Variants in ILRUN observed in about 807,000 individuals in gnomAD.
The protein encoded by ILRUN is protein ILRUN.
A neutral mutation model predicts 33.8 loss-of-function variants in ILRUN; 3 were observed. The observed-to-expected ratio is 0.09, with a 90% CI of 0.04 to 0.23. The LOEUF (loss-of-function observed/expected upper bound fraction) is 0.23. ILRUN is among the 10% of genes least tolerant of loss of function. The probability of loss-of-function intolerance (pLI) is 1.00; values close to 1 mark genes in which losing one functional copy is unlikely to be tolerated. For synonymous variants in ILRUN, 124 were observed against 138.9 expected (o/e 0.89, Z 0.75); for missense variants, 210 against 375.1 (o/e 0.56, Z 3.64).
chr6:34,683,419 C>CATATTATATATACGT lies in ILRUN; in HGVS notation c.158+13026_158+13027insACGTATATATAATAT, dbSNP rs1562032769. On this transcript the variant is annotated intron_variant, in intron 1 of 4. Transcript: ENST00000374023. ...ATGCACATATATACATATATATATACATATATATACATATATATATACATA... is the reference window on the plus strand; with the variant it reads ...ATGCACATATATACATATATATATACATATTATATATACGTATATATATACATATATATATACATA... 8.1e-4 allele frequency among the ~76,000 whole-genome samples: 64 copies of CATATTATATATACGT among 78,572 alleles called. 2 individuals carry two copies. The highest frequency in any genetic ancestry group is 4.3e-3 in the African/African-American group (59 of 13,710). The allele number at this position is 78,572 out of a possible 152,430, so 51.5% of individuals were successfully genotyped here.
intron 3 of ILRUN, among the ~76,000 whole-genome samples, chr6:34,618,108 G>A (rs370708373): frequency 3.3e-5 from 5 of 152,062 alleles, no homozygotes; most frequent in African/African-American, 1.2e-4. Context: ...CCAAATCCAG[G>A]AAATCAGTGC....
At chr6:34,653,154 AAAAG>A (rs35300607) in intron 2 of ILRUN, among the ~76,000 whole-genome samples, 12 of 144,390 alleles carry the variant, frequency 8.3e-5, no homozygotes, top group Admixed American at 2.8e-4. Context: ...AAAAAAAAGA[AAAAG>A]AAAGAAAGAA....
At chr6:34,695,050 CAAAAAA>C (rs60744554) in intron 1 of ILRUN, among the ~76,000 whole-genome samples, 30 of 110,822 alleles carry the variant, frequency 2.7e-4, no homozygotes, top group African/African-American at 1.0e-3. Context: ...GACTCCGTCT[CAAAAAA>C]AAAAAAAAAA....
rs1761233949 is a variant in ILRUN, at chr6:34,588,332, G to A, written c.*2233C>T. 2.5e-6 allele frequency: 1 copy of A among 397,848 alleles called. No homozygotes were observed. Among genetic ancestry groups the A allele is most frequent in the Non-Finnish European group, 4.4e-6 (1 of 226,026 alleles). The allele number at this position is 397,848 out of a possible 1,614,324, so 24.6% of individuals were successfully genotyped here. On this transcript the variant is annotated 3_prime_UTR_variant, in exon 5 of 5. Coordinates refer to ENST00000374023, the MANE Select transcript of ILRUN (RefSeq NM_024294.4). ...TGGCAGGCCCAGACCCACTGACGGT[G>A]GCCCATGAAGCCCCTGCTGGGAAAC...
chr6:34,597,113 A>AT (rs1419687867), intron 4 of ILRUN, among the ~76,000 whole-genome samples: 2 of 152,074 alleles, frequency 1.3e-5, no homozygotes, highest in Admixed American at 1.3e-4. Context: ...CCCCTTACAT[A>AT]TTTTTTAAAA....
Position 34,641,871 on chromosome 6 carries a change from G to GA in ILRUN, c.511+4729dup, listed in dbSNP as rs1246361720. On this transcript the variant is annotated intron_variant, in intron 3 of 4. Coordinates refer to ENST00000374023, the MANE Select transcript of ILRUN (RefSeq NM_024294.4). Reference sequence around the variant, plus strand: ...AGCACAAAATTAAATCTAAAAAAAAGAAAAAAAATCATGGAAATTGAGTAT... The same window carrying GA: ...AGCACAAAATTAAATCTAAAAAAAAGAAAAAAAAATCATGGAAATTGAGTAT... Among the ~76,000 whole-genome samples the GA allele has an allele frequency of 5.9e-5, 9 of 151,708 alleles. No individual in the cohort carries two copies. The South Asian group carries it at 8.3e-4, about 14-fold the overall frequency.
chr6:34,609,613 T>C (rs952945881), intron 3 of ILRUN, among the ~76,000 whole-genome samples: 2 of 150,726 alleles, frequency 1.3e-5, no homozygotes, highest in Non-Finnish European at 3.0e-5. Context: ...TGAGAGCCTA[T>C]CTCCAAAAAA....
chr6:34,614,428 T>TAAAAAA (rs1457803034), intron 3 of ILRUN, among the ~76,000 whole-genome samples: 3 of 109,022 alleles, frequency 2.8e-5, no homozygotes, highest in African/African-American at 1.3e-4. Context: ...TCTCAAAAAA[T>TAAAAAA]AATAAAAAAA....
chr6:34,684,147 T>A (rs543608857), intron 1 of ILRUN, among the ~76,000 whole-genome samples: 2 of 151,652 alleles, frequency 1.3e-5, no homozygotes, highest in Admixed American at 6.6e-5. Context: ...TGAAAAAAAA[T>A]AGAAAAATCT....
At chr6:34,687,592 G>A (rs766204443) in intron 1 of ILRUN, among the ~76,000 whole-genome samples, 4 of 151,604 alleles carry the variant, frequency 2.6e-5, no homozygotes, top group Non-Finnish European at 4.4e-5. Flanking sequence ...CAGCTACTCG[G>A]GAGGCTGGGG....
In ILRUN at chr6:34,654,724, C is replaced by T; in HGVS notation, c.214G>A (p.Val72Met). The T allele has an allele frequency of 1.9e-6, 3 of 1,614,102 alleles. No homozygotes were observed. Among genetic ancestry groups the T allele is most frequent in the Non-Finnish European group, 2.5e-6 (3 of 1,179,996 alleles). Residue 72 changes from valine to methionine, a missense_variant, in exon 2 of 5, where the codon GTG (valine) becomes ATG (methionine). Val to Met is a conservative substitution (Grantham distance 21, BLOSUM62 1). Coordinates refer to ENST00000374023, the MANE Select transcript of ILRUN (RefSeq NM_024294.4). The part of the protein sequence containing the change: ...YYDFESPNIS[V>M]PSMSFVEDVT... ...TCTTCAACAAAGGACATAGAGGGCA[C>T]ACTGATGTTTGGGCTCTCAAAGTCA...
chr6:34,663,869 T>TA (rs1406235276), intron 1 of ILRUN, among the ~76,000 whole-genome samples: 1 of 152,188 alleles, frequency 6.6e-6, no homozygotes, highest in Non-Finnish European at 1.5e-5. Flanking sequence ...TTAAGGGTGT[T>TA]AATCAGCTGA....
At position 34,683,496 on chromosome 6, in the gene ILRUN, A is replaced by G. The variant is rs1436504102; in HGVS notation, c.158+12950T>C. ...TACACATATATATATACATATATAT[A>G]TACATATATATATATATACATATAT... On this transcript the variant is annotated intron_variant, in intron 1 of 4. Transcript: ENST00000374023. Among the ~76,000 whole-genome samples, 192 of 103,760 alleles carry G rather than the reference A, an allele frequency of 1.9e-3. 5 individuals are homozygous for G. Among genetic ancestry groups the G allele is most frequent in the African/African-American group, 4.1e-3 (83 of 20,322 alleles). 68.1% of individuals were successfully genotyped at this position (103,760 alleles called of 152,430 possible). A position where few individuals can be genotyped will look rare whatever the true frequency, so the allele number is the denominator to read the frequency against.
chr6:34,591,649 G>A (rs368313613), intron 4 of ILRUN, among the ~76,000 whole-genome samples: 30 of 152,144 alleles, frequency 2.0e-4, no homozygotes, highest in Non-Finnish European at 2.1e-4. Flanking sequence ...ACAGGCGCCC[G>A]CCAACACGCC....
chr6:34,606,646 G>C lies in ILRUN; in HGVS notation c.770C>G (p.Thr257Ser), dbSNP rs149675520. ...TGACAGTCTATTCTGGTCTTGCTCA[G>C]TTTGGTCAGGAGCAGGAGCCCATGT... ...PDTWAPAPDQ[T>S]EQDQNRLSQN... The change falls in exon 4 of 5, where the codon ACT (threonine) becomes AGT (serine). Residue 257 changes from threonine to serine, a missense_variant. Physicochemically the swap from Thr to Ser is moderately conservative, Grantham distance 58. Around this residue, in one of 4 missense-constraint regions of ILRUN, gnomAD observed 81 missense variants for 97.0 expected, o/e 0.84. Coordinates refer to ENST00000374023, the MANE Select transcript of ILRUN (RefSeq NM_024294.4). 3.7e-6 allele frequency: 6 copies of C among 1,614,050 alleles called. No individual in the cohort carries two copies. The African/African-American group carries it at 5.3e-5, about 14-fold the overall frequency.
chr6:34,653,991 T>C (rs866815934), intron 2 of ILRUN, among the ~76,000 whole-genome samples: 15 of 137,486 alleles, frequency 1.1e-4, no homozygotes, highest in Middle Eastern at 3.6e-3. Context: ...AAAAAAAAAG[T>C]GCTGGGATTC....
intron 4 of ILRUN, among the ~76,000 whole-genome samples, chr6:34,603,008 C>T (rs1303723557): frequency 6.6e-6 from 1 of 152,164 alleles, no homozygotes; most frequent in African/African-American, 2.4e-5. Flanking sequence ...CTATTACCTT[C>T]ATCCTACCAA....
At chr6:34,648,321 C>T (rs933869939) in intron 2 of ILRUN, among the ~76,000 whole-genome samples, 1 of 152,142 alleles carries the variant, frequency 6.6e-6, no homozygotes, top group African/African-American at 2.4e-5. Flanking sequence ...TCCTTGCTCT[C>T]TAAGTGCCCA....
chr6:34,594,265 A>G (rs748693760), intron 4 of ILRUN, among the ~76,000 whole-genome samples: 1 of 152,214 alleles, frequency 6.6e-6, no homozygotes, highest in African/African-American at 2.4e-5. Flanking sequence ...AGAACCCTGA[A>G]TTCAACTCGG....
Sources: allele counts gnomAD v4.1 joint callset (sites outside exome capture counted in the v4.1 genomes callset), GRCh38; gene constraint gnomAD v4.1.1; regional missense constraint gnomAD v4.1.1; transcripts MANE v1.5; gene names NCBI Gene and HGNC (gene_info 2026-07-23, HGNC 2026-07-21).